Variants in ADH6 observed in about 807,000 individuals in gnomAD.
The protein encoded by ADH6 is alcohol dehydrogenase 6 (class V).
ADH6 carries 34 observed loss-of-function variants against 36.5 expected under a neutral mutation model. That is an observed-to-expected ratio of 0.93 (90% CI 0.71 to 1.24). ADH6 has a LOEUF of 1.24. Ranked by LOEUF, ADH6 falls within the 50% of genes most tolerant of loss-of-function variation. ADH6 has a pLI of 0.00. For missense variants in ADH6, 440 were observed against 447.0 expected, an observed-to-expected ratio of 0.98 and a Z score of 0.14; for synonymous variants, 161 against 155.5, an observed-to-expected ratio of 1.04 and a Z score of -0.26.
At chr4:99,215,235 C>T (rs1352996769) in intron 2 of ADH6, among the ~76,000 whole-genome samples, 1 of 152,168 alleles carries the variant, frequency 6.6e-6, no homozygotes, top group African/African-American at 2.4e-5. Flanking sequence ...GGAGAAGGCT[C>T]TCTGAGAAGA....
At chr4:99,207,608 TA>T in intron 6 of ADH6, 27 bp from the exon 7 acceptor site, 1 of 1,607,924 alleles carries the variant, frequency 6.2e-7, no homozygotes, top group South Asian at 1.1e-5. Context: ...CAATACAGTA[TA>T]GGGGTTAAAA....
intron 6 of ADH6, 84 bp downstream of exon 6, chr4:99,208,584 G>A: frequency 1.4e-6 from 2 of 1,440,782 alleles, no homozygotes; most frequent in Admixed American, 4.4e-5. Context: ...CAAAGTGGAG[G>A]GAATTTTAGA....
At chr4:99,209,096 A>G (rs1489237461) in intron 5 of ADH6, among the ~76,000 whole-genome samples, 168 bp from the exon 6 acceptor site, 1 of 152,196 alleles carries the variant, frequency 6.6e-6, no homozygotes, top group Non-Finnish European at 1.5e-5. Flanking sequence ...TTTTTCAAAA[A>G]TATTTCTAGA....
intron 1 of ADH6, among the ~76,000 whole-genome samples, chr4:99,217,974 G>A (rs1361562286): frequency 6.6e-6 from 1 of 152,156 alleles, no homozygotes; most frequent in Non-Finnish European, 1.5e-5. Context: ...TAAAGGTTCT[G>A]ATTTCAGGCC....
intron 7 of ADH6, among the ~76,000 whole-genome samples, chr4:99,206,456 A>C (rs1233944335): frequency 1.3e-5 from 2 of 152,136 alleles, no homozygotes; most frequent in Admixed American, 1.3e-4. Context: ...TAACATTATC[A>C]TCTATAAATA....
intron 8 of ADH6, 80 bp downstream of exon 8, chr4:99,204,845 C>G: frequency 6.7e-7 from 1 of 1,500,016 alleles, no homozygotes; most frequent in Non-Finnish European, 8.9e-7. Flanking sequence ...GCAGGGACGA[C>G]CCTTCTTCTA....
chr4:99,207,272 G>T (rs1404157812), intron 7 of ADH6, among the ~76,000 whole-genome samples, 174 bp downstream of exon 7: 5 of 151,400 alleles, frequency 3.3e-5, no homozygotes, highest in African/African-American at 1.2e-4. Flanking sequence ...TTTCCAAGAG[G>T]CACTAGATAC....
chr4:99,216,177 T>C lies in ADH6; in HGVS notation c.104A>G (p.Lys35Arg), dbSNP rs749839380. The change falls in exon 2 of 9, where the codon AAG (lysine) becomes AGG (arginine). Residue 35 changes from lysine to arginine, a missense_variant. Lys to Arg is a conservative substitution (Grantham distance 26). Transcript: ENST00000394899. ...EEVEVAPPKA[K>R]EVRIKVVATG... ...TTTTTTTACCTTTATGCGAACTTCC[T>C]TTGCCTTTGGTGGGGCCACTTCTAC... is the stretch of plus-strand genomic sequence containing the variant. The C allele has an allele frequency of 1.3e-6, 2 of 1,508,102 alleles. No individual in the cohort carries two copies. Among genetic ancestry groups the C allele is most frequent in the Admixed American group, 4.1e-5 (2 of 48,242 alleles). 93.4% of individuals were successfully genotyped at this position (1,508,102 alleles called of 1,614,324 possible).
In ADH6 at chr4:99,204,968, C is replaced by G; in HGVS notation, c.1060G>C (p.Asp354His). Reference protein sequence around the residue: ...DPLITHTLNLDKINEAVELMK... With the variant: ...DPLITHTLNLHKINEAVELMK... Reference sequence around the variant, plus strand: ...AATTCAACTGCTTCATTGATTTTATCAAGATTCAGAGTATGAGTAATTAGT... The same window carrying G: ...AATTCAACTGCTTCATTGATTTTATGAAGATTCAGAGTATGAGTAATTAGT... The change falls in exon 8 of 9, where the codon GAT becomes CAT. Residue 354 changes from aspartate to histidine, a missense_variant. Transcript: ENST00000394899. 2 of 1,609,672 alleles carry G rather than the reference C, an allele frequency of 1.2e-6. No homozygotes were observed. Among genetic ancestry groups the G allele is most frequent in the Non-Finnish European group, 8.5e-7 (1 of 1,178,150 alleles).
In ADH6 at chr4:99,219,149, T is replaced by A. The variant is rs4699735; in HGVS notation, c.4A>T (p.Ser2Cys). M[S>C]TTGQVIRCKA... is the part of the protein sequence containing the mutation. ...ACTGCACCTACTTGGCCTGTAGTACTCATGCTGATTTTCTCCACCGCAGAT... is the reference window on the plus strand; with the variant it reads ...ACTGCACCTACTTGGCCTGTAGTACACATGCTGATTTTCTCCACCGCAGAT... Residue 2 changes from serine (S) to cysteine (C), a missense_variant, in exon 1 of 9, where the codon AGT becomes TGT. Transcript: ENST00000394899. 3.7e-4 allele frequency: 592 copies of A among 1,611,376 alleles called. No individual in the cohort carries two copies. The highest frequency in any genetic ancestry group is 4.8e-4 in the Non-Finnish European group (564 of 1,177,728).
intron 8 of ADH6, chr4:99,204,576 T>C: frequency 1.7e-6 from 2 of 1,194,812 alleles, no homozygotes; most frequent in South Asian, 6.1e-5. Context: ...AATACAACAA[T>C]GGCCTATTTG....
Position 99,202,744 on chromosome 4 carries a change from G to A in ADH6, c.*1475C>T. ...TCCCAAGACCCGAAGACTCCTCCAAGTTCTCACTGTTAGTAAGGTCAATTT... is the reference window on the plus strand; with the variant it reads ...TCCCAAGACCCGAAGACTCCTCCAAATTCTCACTGTTAGTAAGGTCAATTT... On this transcript the variant is annotated 3_prime_UTR_variant, in exon 9 of 9. Coordinates refer to ENST00000394899, the MANE Select transcript of ADH6 (RefSeq NM_001102470.2). 5.0e-6 allele frequency: 2 copies of A among 398,168 alleles called. No homozygotes were observed. Among genetic ancestry groups the A allele is most frequent in the Non-Finnish European group, 8.9e-6 (2 of 225,770 alleles). The allele number at this position is 398,168 out of a possible 1,614,324, so 24.7% of individuals were successfully genotyped here.
chr4:99,206,779 G>C (rs141750780), intron 7 of ADH6, among the ~76,000 whole-genome samples: 1 of 151,936 alleles, frequency 6.6e-6, no homozygotes, highest in East Asian at 1.9e-4. Context: ...ACATTTCTTC[G>C]TAAATTTCAG....
intron 8 of ADH6, 114 bp from the exon 9 acceptor site, chr4:99,204,357 G>A (rs1730946909): frequency 6.8e-7 from 1 of 1,474,418 alleles, no homozygotes; most frequent in Non-Finnish European, 8.9e-7. Flanking sequence ...TTCTCTTTAG[G>A]TGAAAAATGA....
intron 1 of ADH6, 121 bp from the exon 2 acceptor site, chr4:99,216,383 A>G (rs1220836015): frequency 6.3e-6 from 3 of 475,094 alleles, no homozygotes; most frequent in Admixed American, 4.2e-5. Context: ...CACTGCAGAA[A>G]AAAAAAAGAA....
intron 3 of ADH6, among the ~76,000 whole-genome samples, chr4:99,212,437 GTAAT>G (rs1208447383): frequency 6.6e-6 from 1 of 152,044 alleles, no homozygotes. Context: ...TTAAATCAAA[GTAAT>G]TAACATGTTA....
chr4:99,218,129 G>C (rs1731515423), intron 1 of ADH6, among the ~76,000 whole-genome samples: 2 of 152,148 alleles, frequency 1.3e-5, no homozygotes. Flanking sequence ...GCTGTTTGAA[G>C]GTACTGGAGG....
chr4:99,212,870 G>GT (rs757871491), intron 3 of ADH6, among the ~76,000 whole-genome samples: 1 of 150,726 alleles, frequency 6.6e-6, no homozygotes, highest in Non-Finnish European at 1.5e-5. Context: ...GACTTTTGGG[G>GT]TTTTTTTTAA....
intron 1 of ADH6, among the ~76,000 whole-genome samples, chr4:99,218,825 T>A (rs554848898): frequency 3.5e-4 from 53 of 152,206 alleles, no homozygotes; most frequent in Non-Finnish European, 6.5e-4. Flanking sequence ...TTACTATCCT[T>A]GTATATTGCT....
Sources: allele counts gnomAD v4.1 joint callset (sites outside exome capture counted in the v4.1 genomes callset), GRCh38; gene constraint gnomAD v4.1.1; transcripts MANE v1.5; gene names NCBI Gene and HGNC (gene_info 2026-07-23, HGNC 2026-07-21).